KHDRBS2: variants seen among roughly 807,000 people sequenced by gnomAD.
KHDRBS2 encodes KH RNA binding domain containing, signal transduction associated 2, also known as KH domain-containing, RNA-binding, signal transduction-associated protein 2.
Under a neutral mutation model 44.3 loss-of-function variants are expected in KHDRBS2, and 26 were observed. The observed-to-expected ratio is 0.59, with a 90% CI of 0.43 to 0.81. The LOEUF (loss-of-function observed/expected upper bound fraction) is 0.81. Ranked by LOEUF, KHDRBS2 falls within the 40% of genes least tolerant of loss-of-function variation. KHDRBS2 has a pLI of 0.00. For synonymous variants in KHDRBS2, 194 were observed against 151.1 expected (o/e 1.28, Z -2.08); for missense variants, 476 against 433.1 (o/e 1.10, Z -0.88).
chr6:62,207,315 C>A (rs1828157057), intron 1 of KHDRBS2, among the ~76,000 whole-genome samples: 1 of 152,056 alleles, frequency 6.6e-6, no homozygotes, highest in Non-Finnish European at 1.5e-5. Flanking sequence ...AAAGGGTCTG[C>A]TATACTTCAG....
the KHDRBS2 span, among the ~76,000 whole-genome samples, chr6:61,621,658 A>G: frequency 1.4e-3 from 207 of 152,328 alleles, no homozygotes; most frequent in African/African-American, 4.8e-3. Context: ...CACACTCTAA[A>G]GTAACCCCCA....
At chr6:61,781,379 T>C (rs1363828627) in intron 6 of KHDRBS2, among the ~76,000 whole-genome samples, 1 of 152,126 alleles carries the variant, frequency 6.6e-6, no homozygotes, top group Non-Finnish European at 1.5e-5. Context: ...AGAAATCTAA[T>C]CTTAAAAACC....
chr6:61,721,355 T>C (rs1263643369), intron 7 of KHDRBS2, among the ~76,000 whole-genome samples: 1 of 152,214 alleles, frequency 6.6e-6, no homozygotes, highest in African/African-American at 2.4e-5. Flanking sequence ...ATTGAATCTG[T>C]AAATTACCTC....
chr6:61,848,027 T>A (rs1794660438), intron 6 of KHDRBS2, among the ~76,000 whole-genome samples: 2 of 152,116 alleles, frequency 1.3e-5, no homozygotes, highest in East Asian at 3.9e-4. Flanking sequence ...GGTTACTGAC[T>A]GGCAGCACAC....
intron 4 of KHDRBS2, among the ~76,000 whole-genome samples, chr6:61,939,154 T>G (rs750300585): frequency 6.6e-6 from 1 of 152,164 alleles, no homozygotes; most frequent in African/African-American, 2.4e-5. Flanking sequence ...GAAATGTTAA[T>G]TATGCTGAAG....
chr6:61,801,215 C>A (rs1786201212), intron 6 of KHDRBS2, among the ~76,000 whole-genome samples: 1 of 151,794 alleles, frequency 6.6e-6, no homozygotes, highest in South Asian at 2.1e-4. Context: ...TTTTATTTAA[C>A]AAATAATTCC....
At chr6:61,755,799 C>A (rs1305695618) in intron 6 of KHDRBS2, among the ~76,000 whole-genome samples, 618 of 105,590 alleles carry the variant, frequency 5.9e-3, no homozygotes, top group Middle Eastern at 8.8e-3. Flanking sequence ...GACTCTGTCT[C>A]AAAAAAAAAA....
At chr6:61,809,083 GA>G (rs140869382) in intron 6 of KHDRBS2, among the ~76,000 whole-genome samples, 20 of 146,738 alleles carry the variant, frequency 1.4e-4, no homozygotes, top group Non-Finnish European at 2.1e-4. Flanking sequence ...ACTCCACTGG[GA>G]AAAAAAAAAG....
intron 6 of KHDRBS2, among the ~76,000 whole-genome samples, chr6:61,748,100 C>G (rs1265334072): frequency 6.6e-6 from 1 of 152,106 alleles, no homozygotes; most frequent in Admixed American, 6.5e-5. Flanking sequence ...AAGCGATTCT[C>G]CTGCTCAGTC....
intron 2 of KHDRBS2, among the ~76,000 whole-genome samples, chr6:62,136,583 T>A (rs1212505479): frequency 6.6e-6 from 1 of 152,254 alleles, no homozygotes; most frequent in Non-Finnish European, 1.5e-5. Context: ...GGTTTCGTTT[T>A]TGAAATTATG....
chr6:61,656,818 G>A, the KHDRBS2 span, among the ~76,000 whole-genome samples: 1 of 151,998 alleles, frequency 6.6e-6, no homozygotes, highest in East Asian at 1.9e-4. Context: ...GCACGTGATG[G>A]CCTACTTTTG....
chr6:61,821,959 G>T (rs923938930), intron 6 of KHDRBS2, among the ~76,000 whole-genome samples: 5 of 151,936 alleles, frequency 3.3e-5, no homozygotes, highest in African/African-American at 1.2e-4. Context: ...TTGACCCATT[G>T]TGTCAAATTT....
chr6:62,089,917 A>G (rs915270383), intron 2 of KHDRBS2, among the ~76,000 whole-genome samples: 2 of 152,152 alleles, frequency 1.3e-5, no homozygotes, highest in Non-Finnish European at 2.9e-5. Context: ...GCCACAGATA[A>G]GGGGTCTGAA....
chr6:61,871,767 C>T (rs1367615457), intron 6 of KHDRBS2, among the ~76,000 whole-genome samples: 31 of 152,146 alleles, frequency 2.0e-4, no homozygotes, highest in Middle Eastern at 6.8e-3. Context: ...GCTTCATAAG[C>T]GAAGGAGAAA....
chr6:61,675,897 G>T (rs373744400), downstream of KHDRBS2, among the ~76,000 whole-genome samples: 1 of 151,598 alleles, frequency 6.6e-6, no homozygotes. Flanking sequence ...CATAGACCAC[G>T]CATACAGATA....
chr6:61,762,795 T>A (rs544917899), intron 6 of KHDRBS2, among the ~76,000 whole-genome samples: 1 of 152,100 alleles, frequency 6.6e-6, no homozygotes, highest in African/African-American at 2.4e-5. Context: ...AGAAAAACAA[T>A]CAGCATTGAA....
intron 2 of KHDRBS2, among the ~76,000 whole-genome samples, chr6:62,054,173 G>C (rs1460935158): frequency 2.0e-5 from 3 of 151,950 alleles, no homozygotes; most frequent in African/African-American, 7.2e-5. Context: ...CTTATTAGTT[G>C]GTCCTAAAAT....
At chr6:61,555,891 G>A in the KHDRBS2 span, among the ~76,000 whole-genome samples, 16 of 152,182 alleles carry the variant, frequency 1.1e-4, no homozygotes, top group Admixed American at 1.0e-3. Context: ...AACCTGCTGT[G>A]CTGGAGAGGC....
At chr6:61,797,953 T>A (rs548849777) in intron 6 of KHDRBS2, among the ~76,000 whole-genome samples, 1 of 152,092 alleles carries the variant, frequency 6.6e-6, no homozygotes, top group South Asian at 2.1e-4. Context: ...AGTATACAAA[T>A]GATTTTGTCA....
Sources: allele counts gnomAD v4.1 joint callset (sites outside exome capture counted in the v4.1 genomes callset), GRCh38; gene constraint gnomAD v4.1.1; transcripts MANE v1.5; gene names NCBI Gene and HGNC (gene_info 2026-07-23, HGNC 2026-07-21).